LHFPL3: variants seen among roughly 807,000 people sequenced by gnomAD.
The protein encoded by LHFPL3 is LHFPL tetraspan subfamily member 3.
A neutral mutation model predicts 19.3 loss-of-function variants in LHFPL3; 5 were observed. That is an observed-to-expected ratio of 0.26 (90% confidence interval 0.14 to 0.54). The LOEUF is 0.54. LHFPL3 is among the 20% of genes least tolerant of loss of function. The pLI, the probability that LHFPL3 is intolerant of heterozygous loss-of-function variation, is 0.94. For synonymous variants in LHFPL3, 133 were observed against 126.2 expected (o/e 1.05, Z -0.36); for missense variants, 249 against 307.4 (o/e 0.81, Z 1.42).
chr7:104,461,064 T>G (rs986716200), intron 1 of LHFPL3, among the ~76,000 whole-genome samples: 1 of 152,224 alleles, frequency 6.6e-6, no homozygotes, highest in Non-Finnish European at 1.5e-5. Flanking sequence ...GAAAGAGGTT[T>G]AATTGACTCA....
At chr7:104,827,670 A>C (rs1398755520) in intron 2 of LHFPL3, among the ~76,000 whole-genome samples, 1 of 151,366 alleles carries the variant, frequency 6.6e-6, no homozygotes, top group Non-Finnish European at 1.5e-5. Flanking sequence ...TTCCATAGAG[A>C]GGCCCTGGAG....
At chr7:104,520,020 G>C (rs1346899845) in intron 1 of LHFPL3, among the ~76,000 whole-genome samples, 3 of 151,714 alleles carry the variant, frequency 2.0e-5, no homozygotes, top group Non-Finnish European at 4.4e-5. Flanking sequence ...TCCCTGTCTT[G>C]TGCCGGTTTT....
chr7:104,382,117 A>G (rs1217224373), intron 1 of LHFPL3, among the ~76,000 whole-genome samples: 1 of 152,202 alleles, frequency 6.6e-6, no homozygotes, highest in Non-Finnish European at 1.5e-5. Flanking sequence ...ATCCAGGCAC[A>G]TGGATGCAGA....
chr7:104,737,390 G>C (rs938452455), intron 2 of LHFPL3, among the ~76,000 whole-genome samples: 2 of 152,182 alleles, frequency 1.3e-5, no homozygotes, highest in African/African-American at 2.4e-5. Flanking sequence ...TTCTCAGAGA[G>C]AGGTAGTAAC....
At chr7:104,431,867 A>G (rs891128643) in intron 1 of LHFPL3, among the ~76,000 whole-genome samples, 1 of 152,158 alleles carries the variant, frequency 6.6e-6, no homozygotes, top group Non-Finnish European at 1.5e-5. Flanking sequence ...TTTCCCTATC[A>G]TGTCAATCTC....
chr7:104,656,624 A>C (rs1468022384), intron 1 of LHFPL3, among the ~76,000 whole-genome samples: 2 of 152,124 alleles, frequency 1.3e-5, no homozygotes, highest in African/African-American at 4.8e-5. Flanking sequence ...AAATTGCTCA[A>C]CCTGAGGAGA....
chr7:104,369,050 G>A (rs1413778481), intron 1 of LHFPL3, among the ~76,000 whole-genome samples: 1 of 152,148 alleles, frequency 6.6e-6, no homozygotes, highest in African/African-American at 2.4e-5. Flanking sequence ...CCTTTTTAAA[G>A]TTTTATTGAG....
chr7:104,705,273 T>A (rs1038222000), intron 1 of LHFPL3, among the ~76,000 whole-genome samples: 16 of 152,222 alleles, frequency 1.1e-4, no homozygotes, highest in Non-Finnish European at 8.8e-5. Context: ...TTCCTGGAGC[T>A]CTTAATATTT....
At chr7:104,701,970 G>A (rs1389360835) in intron 1 of LHFPL3, among the ~76,000 whole-genome samples, 1 of 152,082 alleles carries the variant, frequency 6.6e-6, no homozygotes, top group African/African-American at 2.4e-5. Flanking sequence ...CCATCAACCT[G>A]TCATCTACAT....
chr7:104,337,609 A>G (rs1789854451), intron 1 of LHFPL3, among the ~76,000 whole-genome samples: 1 of 152,228 alleles, frequency 6.6e-6, no homozygotes, highest in African/African-American at 2.4e-5. Flanking sequence ...AAATTTGACG[A>G]AAAGCATTTC....
intron 1 of LHFPL3, among the ~76,000 whole-genome samples, chr7:104,334,906 G>A (rs945964159): frequency 6.6e-6 from 1 of 152,062 alleles, no homozygotes; most frequent in African/African-American, 2.4e-5. Flanking sequence ...AGAAAGAGCA[G>A]GGACTTGTTC....
At chr7:104,355,171 C>T (rs924428362) in intron 1 of LHFPL3, among the ~76,000 whole-genome samples, 6 of 152,278 alleles carry the variant, frequency 3.9e-5, no homozygotes, top group Admixed American at 1.3e-4. Flanking sequence ...ATGTGTAATT[C>T]GTCTTCGAGA....
chr7:104,425,213 G>C (rs562493630), intron 1 of LHFPL3, among the ~76,000 whole-genome samples: 2 of 152,040 alleles, frequency 1.3e-5, no homozygotes, highest in Non-Finnish European at 2.9e-5. Flanking sequence ...GTGAGGTTGA[G>C]AGTAGGGGTG....
chr7:104,582,538 T>C (rs1015964863), intron 1 of LHFPL3, among the ~76,000 whole-genome samples: 8 of 152,078 alleles, frequency 5.3e-5, no homozygotes, highest in African/African-American at 1.9e-4. Context: ...TTCTTTGTTT[T>C]CCTAATTATA....
Position 104,571,994 on chromosome 7 carries a change from C to A in LHFPL3, c.446-164681C>A, listed in dbSNP as rs1028869756. On this transcript the variant is annotated intron_variant, in intron 1 of 2. Transcript: ENST00000424859. ...CTTCCCCCTTTTCTCCCAGAGTTAA[C>A]CACCCTGAGCCATTTGGTGGTTATC... Among the ~76,000 whole-genome samples the A allele has an allele frequency of 3.3e-5, 5 of 152,280 alleles. No homozygotes were observed. The Middle Eastern group carries it at 0.01, about 311-fold the overall frequency.
chr7:104,885,387 T>G (rs530445482), intron 2 of LHFPL3, among the ~76,000 whole-genome samples: 9 of 152,286 alleles, frequency 5.9e-5, no homozygotes, highest in African/African-American at 1.9e-4. Flanking sequence ...GAATTCCAGA[T>G]CTTTGTGTCT....
chr7:104,389,351 C>T (rs1487946257), intron 1 of LHFPL3, among the ~76,000 whole-genome samples: 3 of 152,062 alleles, frequency 2.0e-5, no homozygotes, highest in Non-Finnish European at 4.4e-5. Flanking sequence ...AACTACAAGA[C>T]ATTGTCAAAA....
At chr7:104,415,198 T>C (rs1336399850) in intron 1 of LHFPL3, among the ~76,000 whole-genome samples, 1 of 152,196 alleles carries the variant, frequency 6.6e-6, no homozygotes, top group Non-Finnish European at 1.5e-5. Flanking sequence ...TTATTAATAA[T>C]TGAAACATTC....
At chr7:104,661,556 A>C (rs1166261034) in intron 1 of LHFPL3, among the ~76,000 whole-genome samples, 1 of 152,182 alleles carries the variant, frequency 6.6e-6, no homozygotes, top group African/African-American at 2.4e-5. Flanking sequence ...TTTTTATGTT[A>C]TTTTGAGATG....
Sources: allele counts gnomAD v4.1 joint callset (sites outside exome capture counted in the v4.1 genomes callset), GRCh38; gene constraint gnomAD v4.1.1; transcripts MANE v1.5; gene names NCBI Gene and HGNC (gene_info 2026-07-23, HGNC 2026-07-21).